Variants in HDAC7 observed in about 807,000 individuals in gnomAD.
The protein encoded by HDAC7 is histone deacetylase 7.
HDAC7 carries 26 observed loss-of-function variants against 115.5 expected under a neutral mutation model. The ratio of observed to expected loss-of-function variants is 0.23; its 90% CI spans 0.16 to 0.31. The LOEUF (loss-of-function observed/expected upper bound fraction) is 0.31. Among genes scored for constraint, HDAC7 ranks in the 10% least tolerant of loss-of-function variants. The pLI is 1.00. For missense variants in HDAC7, 1,068 were observed against 1,329.0 expected (o/e 0.80, Z 3.05); for synonymous variants, 564 against 550.9 (o/e 1.02, Z -0.33).
At chr12:47,784,804 G>T in intron 24 of HDAC7, 1 of 1,533,852 alleles carries the variant, frequency 6.5e-7, no homozygotes, top group African/African-American at 1.4e-5. Flanking sequence ...GGCACCCACC[G>T]TAAGAGGAAT....
chr12:47,789,737 T>A (rs1313011857), intron 17 of HDAC7, 76 bp downstream of exon 17: 2 of 1,385,512 alleles, frequency 1.4e-6, no homozygotes, highest in African/African-American at 1.4e-5. Context: ...TGCCTGGGGT[T>A]CTGGGCCTGG....
intron 17 of HDAC7, 106 bp from the exon 18 acceptor site, chr12:47,789,684 T>C: frequency 6.9e-7 from 1 of 1,444,834 alleles, no homozygotes; most frequent in South Asian, 1.1e-5. Context: ...GAGCCCTCAA[T>C]TTCCCCTCCA....
chr12:47,783,892 G>T lies in HDAC7; in HGVS notation c.2931-6C>A, dbSNP rs766543233. ...CCACCAGCTGCTCCGAGGGCCTGTG[G>T]GGAGGGACAAGGGTGGGATGCTGGA... is the stretch of plus-strand genomic sequence containing the variant. On this transcript the variant is annotated splice_region_variant and splice_polypyrimidine_tract_variant and intron_variant, in intron 25 of 25. Transcript: ENST00000080059. The T allele has an allele frequency of 6.7e-5, 108 of 1,612,882 alleles. No homozygotes were observed. The highest frequency in any genetic ancestry group is 8.6e-5 in the Non-Finnish European group (101 of 1,179,734).
In HDAC7 at chr12:47,784,826, T is replaced by C. The variant is rs907984112; in HGVS notation, c.2791+561A>G. The C allele has an allele frequency of 4.0e-6, 6 of 1,513,170 alleles. No homozygotes were observed. The African/African-American group carries it at 5.5e-5, about 14-fold the overall frequency. The allele number at this position is 1,513,170 out of a possible 1,614,324, so 93.7% of individuals were successfully genotyped here. ...ACCGTAAGAGGAATCAGCCATGTCT[T>C]TACCATTATGTAAAGACATCACGGC... On this transcript the variant is annotated intron_variant, in intron 24 of 25. Coordinates refer to ENST00000080059, the MANE Select transcript of HDAC7 (RefSeq NM_015401.5).
In HDAC7 at chr12:47,798,077, G is replaced by C; in HGVS notation, c.461+31C>G. 6 of 1,502,326 alleles carry C rather than the reference G, an allele frequency of 4.0e-6. No individual in the cohort carries two copies. Among genetic ancestry groups the C allele is most frequent in the Non-Finnish European group, 4.6e-6 (5 of 1,078,220 alleles). 93.1% of individuals were successfully genotyped at this position (1,502,326 alleles called of 1,614,324 possible). A position where few individuals can be genotyped will look rare whatever the true frequency, so the allele number is the denominator to read the frequency against. The stretch of plus-strand genomic sequence containing the variant: ...GGGGCGGGGGTGGAGGGTGCATGTG[G>C]GGACAGGAGGGCAGGTGAGGAGGGT... On this transcript the variant is annotated intron_variant, in intron 5 of 25. Coordinates refer to ENST00000080059, the MANE Select transcript of HDAC7 (RefSeq NM_015401.5). The surrounding 1 kb of genome is among the most constrained non-coding windows in gnomAD (Gnocchi z 4.3).
chr12:47,818,552 T>C (rs1565594368), intron 1 of HDAC7, among the ~76,000 whole-genome samples: 1 of 152,202 alleles, frequency 6.6e-6, no homozygotes, highest in Non-Finnish European at 1.5e-5. Context: ...AGTCACAGTC[T>C]CCTGCCAGCC....
Position 47,795,944 on chromosome 12 carries a change from G to T in HDAC7, c.868C>A (p.Leu290Met). Residue 290 changes from leucine (L) to methionine (M), a missense_variant, in exon 9 of 26, where the codon CTG becomes ATG. This residue lies in a region of HDAC7 where 618 missense variants were observed against 701.5 expected (regional missense o/e 0.88). Transcript: ENST00000080059. This position sits in a 1 kb window ranked among gnomAD's most constrained non-coding sequence, Gnocchi z 4.3. ...GGCAGCCCCAGAGTGATTGCGGGCA[G>T]CAAGGACACTGTCGGCAAGGCGAAC... ...APFALPTVSL[L>M]PAITLGLPAP... 6.4e-7 allele frequency: 1 copy of T among 1,551,156 alleles called. No individual in the cohort carries two copies. The highest frequency in any genetic ancestry group is 8.7e-7 in the Non-Finnish European group (1 of 1,148,066).
chr12:47,798,454 A>G lies in HDAC7; in HGVS notation c.349+108T>C, dbSNP rs1032369426. Reference sequence around the variant, plus strand: ...GCAAGCAGAGGGAAAGCCTCGGCTCAGGCCCAGCTGGCTGCGGCCCTCCCA... The same window carrying G: ...GCAAGCAGAGGGAAAGCCTCGGCTCGGGCCCAGCTGGCTGCGGCCCTCCCA... On this transcript the variant is annotated intron_variant, in intron 4 of 25. Transcript: ENST00000080059. The surrounding 1 kb of genome is among the most constrained non-coding windows in gnomAD (Gnocchi z 4.3). 1.6e-5 allele frequency: 16 copies of G among 1,011,296 alleles called. No individual in the cohort carries two copies. In the African/African-American group the frequency reaches 2.4e-4, roughly 15 times the overall value. 62.6% of individuals were successfully genotyped at this position (1,011,296 alleles called of 1,614,324 possible). A position where few individuals can be genotyped will look rare whatever the true frequency, so the allele number is the denominator to read the frequency against.
chr12:47,812,434 A>G (rs1036468468), intron 1 of HDAC7, among the ~76,000 whole-genome samples: 1 of 152,236 alleles, frequency 6.6e-6, no homozygotes, highest in Non-Finnish European at 1.5e-5. Context: ...ATATTCAGTG[A>G]GCCCTGACTT....
intron 1 of HDAC7, among the ~76,000 whole-genome samples, chr12:47,806,357 GC>G (rs1944402714): frequency 6.6e-6 from 1 of 152,242 alleles, no homozygotes; most frequent in Non-Finnish European, 1.5e-5. Context: ...TGCTTAAGCT[GC>G]CCCACCTGTA....
chr12:47,788,209 G>A (rs1943278829), intron 19 of HDAC7, 45 bp from the exon 20 acceptor site: 19 of 1,564,346 alleles, frequency 1.2e-5, no homozygotes, highest in Non-Finnish European at 1.4e-5. Flanking sequence ...AGAGAGATGG[G>A]GGCCAGGACA....
chr12:47,791,800 G>GCCCCCCCCCCCCCCC, intron 14 of HDAC7, 71 bp downstream of exon 14: 1 of 1,550,662 alleles, frequency 6.4e-7, no homozygotes, highest in Non-Finnish European at 8.8e-7. Flanking sequence ...TGGGCCCCAG[G>GCCCCCCCCCCCCCCC]GCCCCCCACC....
Position 47,791,576 on chromosome 12 carries a change from A to G in HDAC7, c.1933+10T>C, listed in dbSNP as rs1301520254. ...GCTGGCATGGGGAGACAGGGCCACT[A>G]GGCCATTACCTGCCAGCTTCCCGTT... On this transcript the variant is annotated intron_variant, in intron 15 of 25. Coordinates refer to ENST00000080059, the MANE Select transcript of HDAC7 (RefSeq NM_015401.5). The G allele has an allele frequency of 4.4e-6, 7 of 1,602,394 alleles. No individual in the cohort carries two copies. The highest frequency in any genetic ancestry group is 4.3e-6 in the Non-Finnish European group (5 of 1,174,490).
At chr12:47,792,098 C>T in intron 13 of HDAC7, 94 bp from the exon 14 acceptor site, 4 of 1,429,958 alleles carry the variant, frequency 2.8e-6, no homozygotes, top group Non-Finnish European at 3.7e-6. Context: ...ACAGCAGGCA[C>T]CCACATGGAG....
At chr12:47,819,402 C>T (rs1056481058) in intron 1 of HDAC7, 1 of 152,698 alleles carries the variant, frequency 6.5e-6, no homozygotes, top group African/African-American at 2.4e-5. Flanking sequence ...TCCCCGGTCC[C>T]TCGGCTCGTC....
intron 1 of HDAC7, among the ~76,000 whole-genome samples, chr12:47,808,687 G>A (rs1371493963): frequency 6.6e-6 from 1 of 152,186 alleles, no homozygotes; most frequent in Non-Finnish European, 1.5e-5. Context: ...GAAGGGGAGG[G>A]CATAGCTACT....
rs542862453 is a variant in HDAC7, at chr12:47,811,952, C to A, written c.19+7815G>T. ...AAATGCCTCATGCCTCTTCCAGAGC[C>A]GCTGTGCTGGGAATACTCACTGCTG... On this transcript the variant is annotated intron_variant, in intron 1 of 25. Transcript: ENST00000080059. 3.3e-5 allele frequency among the ~76,000 whole-genome samples: 5 copies of A among 152,332 alleles called. No individual in the cohort carries two copies. The South Asian group carries it at 8.3e-4, about 25-fold the overall frequency.
Position 47,793,696 on chromosome 12 carries a change from C to G in HDAC7, c.1459-108G>C. 1.2e-6 allele frequency: 1 copy of G among 817,616 alleles called. No individual in the cohort carries two copies. The highest frequency in any genetic ancestry group is 1.9e-6 in the Non-Finnish European group (1 of 538,582). 50.6% of individuals were successfully genotyped at this position (817,616 alleles called of 1,614,324 possible). A position where few individuals can be genotyped will look rare whatever the true frequency, so the allele number is the denominator to read the frequency against. On this transcript the variant is annotated intron_variant, in intron 12 of 25. Transcript: ENST00000080059. The surrounding 1 kb of genome is among the most constrained non-coding windows in gnomAD (Gnocchi z 4.5). ...AGCAGGCCCCTTTCCTAGAGAGATT[C>G]CAGGATAAACCTAGACCTGCTGTCC...
At chr12:47,810,037 C>G (rs1186191853) in intron 1 of HDAC7, among the ~76,000 whole-genome samples, 3 of 152,102 alleles carry the variant, frequency 2.0e-5, no homozygotes, top group Non-Finnish European at 4.4e-5. Flanking sequence ...ACCTCTGCCT[C>G]CCGGATTCAA....
Sources: gnomAD v4.1 joint callset for allele counts (sites outside exome capture counted in the v4.1 genomes callset) on GRCh38, gnomAD v4.1.1 for gene constraint, gnomAD v4.1.1 regional missense constraint, Gnocchi (gnomAD v3.1) non-coding constraint, MANE v1.5 for transcripts, NCBI Gene and HGNC (gene_info 2026-07-23, HGNC 2026-07-21) for gene names.